Variants in KIAA2012 observed in about 807,000 individuals in gnomAD.
KIAA2012 encodes the protein uncharacterized protein KIAA2012.
KIAA2012 carries 125 observed loss-of-function variants against 150.6 expected under a neutral mutation model. That is an observed-to-expected ratio of 0.83 (90% CI 0.72 to 0.96). KIAA2012 has a LOEUF of 0.96. Among genes scored for constraint, KIAA2012 ranks in the 40% least tolerant of loss-of-function variants. KIAA2012 has a pLI of 0.00. For missense variants in KIAA2012, 1,219 were observed against 1,354.9 expected (o/e 0.90, Z 1.57); for synonymous variants, 462 against 504.7 (o/e 0.92, Z 1.13).
At chr2:202,134,219 A>C (rs1033397082) in intron 12 of KIAA2012, among the ~76,000 whole-genome samples, 2 of 152,216 alleles carry the variant, frequency 1.3e-5, no homozygotes, top group Admixed American at 1.3e-4. Context: ...GGTATGTTCC[A>C]TGACAGCATG....
At chr2:202,144,766 C>T (rs771116669) in intron 13 of KIAA2012, among the ~76,000 whole-genome samples, 5 of 152,144 alleles carry the variant, frequency 3.3e-5, no homozygotes, top group East Asian at 1.9e-4. Flanking sequence ...CCAAGGTGGG[C>T]GGATCACTTG....
chr2:202,187,309 T>C lies in KIAA2012; in HGVS notation c.2376+211T>C, dbSNP rs567648839. ...TGAAGGATGGAACATCATTTCTAAT[T>C]CCTTTTTTTTTTGGAGACACAGTCT... On this transcript the variant is annotated intron_variant, in intron 17 of 23. Coordinates refer to ENST00000498697, the MANE Select transcript of KIAA2012 (RefSeq NM_001277372.4). Among the ~76,000 whole-genome samples the C allele has an allele frequency of 2.1e-4, 32 of 151,750 alleles. 1 individual carries two copies. In the South Asian group the frequency reaches 6.5e-3, roughly 31 times the overall value.
intron 12 of KIAA2012, among the ~76,000 whole-genome samples, chr2:202,128,556 G>A (rs1690851849): frequency 1.3e-5 from 2 of 152,066 alleles, no homozygotes; most frequent in Admixed American, 1.3e-4. Context: ...ACAGGCGTGA[G>A]GCACCACACT....
intron 19 of KIAA2012, among the ~76,000 whole-genome samples, chr2:202,193,073 T>G (rs1559234321): frequency 6.6e-6 from 1 of 152,204 alleles, no homozygotes; most frequent in Non-Finnish European, 1.5e-5. Flanking sequence ...GAAGTTTAAG[T>G]TGTGATCCCT....
At chr2:202,191,977 G>C (rs1692332648) in intron 19 of KIAA2012, among the ~76,000 whole-genome samples, 1 of 152,194 alleles carries the variant, frequency 6.6e-6, no homozygotes, top group Non-Finnish European at 1.5e-5. Context: ...CAGGACTCTT[G>C]TCACCATTTT....
At chr2:202,181,177 C>A (rs1291823051) in intron 15 of KIAA2012, among the ~76,000 whole-genome samples, 1 of 152,116 alleles carries the variant, frequency 6.6e-6, no homozygotes, top group Non-Finnish European at 1.5e-5. Context: ...ACCATGCTGC[C>A]CAGGTTGGTC....
chr2:202,129,916 T>C (rs1332408723), intron 12 of KIAA2012, among the ~76,000 whole-genome samples: 1 of 152,228 alleles, frequency 6.6e-6, no homozygotes, highest in Non-Finnish European at 1.5e-5. Context: ...ACAGAGACTA[T>C]TACTGAGCTA....
At chr2:202,125,819 C>T in intron 12 of KIAA2012, 2 of 449,662 alleles carry the variant, frequency 4.4e-6, no homozygotes, top group South Asian at 3.2e-5. Flanking sequence ...GCTCATCCTC[C>T]ACCCACAGAC....
intron 2 of KIAA2012, among the ~76,000 whole-genome samples, chr2:202,082,709 C>G (rs191416166): frequency 6.6e-6 from 1 of 152,182 alleles, no homozygotes; most frequent in Non-Finnish European, 1.5e-5. Context: ...AACTCAATGC[C>G]ATGAAGCTTT....
At chr2:202,187,693 T>C (rs1692257295) in intron 17 of KIAA2012, among the ~76,000 whole-genome samples, 1 of 152,206 alleles carries the variant, frequency 6.6e-6, no homozygotes, top group African/African-American at 2.4e-5. Flanking sequence ...TGTGTTATTC[T>C]AGCCCATGGG....
At chr2:202,139,791 T>A (rs1479399417) in intron 13 of KIAA2012, among the ~76,000 whole-genome samples, 1 of 152,068 alleles carries the variant, frequency 6.6e-6, no homozygotes, top group East Asian at 1.9e-4. Flanking sequence ...TTTGAAAGAG[T>A]GTGTGACTAA....
chr2:202,149,092 CT>C (rs1691366498), intron 13 of KIAA2012, among the ~76,000 whole-genome samples: 1 of 152,144 alleles, frequency 6.6e-6, no homozygotes, highest in South Asian at 2.1e-4. Flanking sequence ...TTTAGTTCCC[CT>C]ACCCTAGCAG....
chr2:202,155,866 TTAGA>T (rs1184119689), intron 14 of KIAA2012, among the ~76,000 whole-genome samples: 4 of 152,312 alleles, frequency 2.6e-5, no homozygotes, highest in Admixed American at 6.5e-5. Context: ...GGGCTTCCTC[TTAGA>T]TAGGCTCTTC....
intron 9 of KIAA2012, 52 bp from the exon 10 acceptor site, chr2:202,109,561 T>A (rs550256994): frequency 5.0e-5 from 73 of 1,447,652 alleles, no homozygotes; most frequent in Admixed American, 2.6e-4. Flanking sequence ...TCCTTCTCCT[T>A]CCTGCTGATT....
At chr2:202,113,061 C>A (rs1289689333) in intron 10 of KIAA2012, among the ~76,000 whole-genome samples, 1 of 152,164 alleles carries the variant, frequency 6.6e-6, no homozygotes, top group African/African-American at 2.4e-5. Context: ...AGCCCTGCCC[C>A]TGAGGTAGCC....
intron 13 of KIAA2012, among the ~76,000 whole-genome samples, chr2:202,145,960 C>T (rs1006097118): frequency 1.3e-5 from 2 of 151,998 alleles, no homozygotes; most frequent in African/African-American, 4.8e-5. Flanking sequence ...GCTGGGATTA[C>T]AGGCTTGAGC....
At chr2:202,158,152 G>A (rs1005935629) in intron 14 of KIAA2012, among the ~76,000 whole-genome samples, 2 of 152,064 alleles carry the variant, frequency 1.3e-5, no homozygotes, top group Non-Finnish European at 2.9e-5. Context: ...CCGCCACCAT[G>A]CCAGGCTAAT....
At chr2:202,168,070 T>C (rs1691807787) in intron 15 of KIAA2012, among the ~76,000 whole-genome samples, 1 of 152,002 alleles carries the variant, frequency 6.6e-6, no homozygotes, top group Non-Finnish European at 1.5e-5. Flanking sequence ...TAACAGTACT[T>C]ATCTCATGGG....
chr2:202,175,073 A>G (rs1220029904), intron 15 of KIAA2012, among the ~76,000 whole-genome samples: 1 of 152,228 alleles, frequency 6.6e-6, no homozygotes, highest in East Asian at 1.9e-4. Context: ...TTTAAATCTC[A>G]TTGAATTTAT....
Sources: gnomAD v4.1 joint callset for allele counts (sites outside exome capture counted in the v4.1 genomes callset) on GRCh38, gnomAD v4.1.1 for gene constraint, MANE v1.5 for transcripts, NCBI Gene and HGNC (gene_info 2026-07-23, HGNC 2026-07-21) for gene names.